The following PRR14L variants were observed in gnomAD, a reference collection of about 807,000 sequenced individuals.
The protein encoded by PRR14L is protein PRR14L.
Under a neutral mutation model 155.0 loss-of-function variants are expected in PRR14L, and 80 were observed. That is an observed-to-expected ratio of 0.52 (90% CI 0.43 to 0.62). The LOEUF is 0.62. Among genes scored for constraint, PRR14L ranks in the 20% least tolerant of loss-of-function variants. PRR14L has a pLI of 0.00. For missense variants in PRR14L, 2,469 were observed against 2,548.0 expected (o/e 0.97, Z 0.67); for synonymous variants, 883 against 916.0 (o/e 0.96, Z 0.65).
In PRR14L at chr22:31,689,919, A is replaced by AT. The variant is rs531522039; in HGVS notation, c.6108-1693dup. ...CGCCACCACACCTGGCTAATTTTTGATTTTTTTTTTTCTTTTGAGATGGAG... is the reference window on the plus strand; with the variant it reads ...CGCCACCACACCTGGCTAATTTTTGATTTTTTTTTTTTCTTTTGAGATGGAG... On this transcript the variant is annotated intron_variant, in intron 7 of 8. Coordinates refer to ENST00000327423, the MANE Select transcript of PRR14L (RefSeq NM_173566.3). 9.5e-3 allele frequency among the ~76,000 whole-genome samples: 1,354 copies of AT among 142,712 alleles called. 18 individuals are homozygous for AT. The highest frequency in any genetic ancestry group is 0.03 in the African/African-American group (1,180 of 38,852). The allele number at this position is 142,712 out of a possible 152,430, so 93.6% of individuals were successfully genotyped here.
At chr22:31,711,803 A>T (rs1053152030) in intron 4 of PRR14L, among the ~76,000 whole-genome samples, 5 of 150,558 alleles carry the variant, frequency 3.3e-5, no homozygotes, top group African/African-American at 7.3e-5. Context: ...AAAAAAAAGA[A>T]GATTCAACAG....
At chr22:31,730,810 T>C (rs933369000) in intron 2 of PRR14L, among the ~76,000 whole-genome samples, 3 of 152,222 alleles carry the variant, frequency 2.0e-5, no homozygotes, top group Non-Finnish European at 4.4e-5. Flanking sequence ...TATATATTAA[T>C]TGGAATTCTG....
chr22:31,710,305 C>G (rs186178156), intron 4 of PRR14L, among the ~76,000 whole-genome samples: 28 of 152,252 alleles, frequency 1.8e-4, no homozygotes, highest in Middle Eastern at 3.4e-3. Flanking sequence ...GAACAAGGCC[C>G]TCCTAAGCTA....
At chr22:31,704,982 G>A (rs1039562662) in intron 4 of PRR14L, among the ~76,000 whole-genome samples, 2 of 152,184 alleles carry the variant, frequency 1.3e-5, no homozygotes, top group African/African-American at 4.8e-5. Context: ...AACAGTGGCT[G>A]GGCAAGGTGG....
Position 31,715,974 on chromosome 22 carries a change from A to AGTGGAATATCATCATGTGAGGTCT in PRR14L, c.1841_1864dup (p.Gln614_Pro621dup). ...ACAGGCTATGCTCTGTTCATCTAAAAGTGGAATATCATCATGTGAGGTCTG... is the reference window on the plus strand; with the variant it reads ...ACAGGCTATGCTCTGTTCATCTAAAAGTGGAATATCATCATGTGAGGTCTGTGGAATATCATCATGTGAGGTCTG... On this transcript the variant is annotated inframe_insertion, in exon 4 of 9. Transcript: ENST00000327423. 1.4e-5 allele frequency: 21 copies of AGTGGAATATCATCATGTGAGGTCT among 1,551,658 alleles called. No homozygotes were observed. The highest frequency in any genetic ancestry group is 1.8e-5 in the Non-Finnish European group (21 of 1,146,986).
Position 31,749,058 on chromosome 22 carries a change from G to A in PRR14L, c.-52+935C>T, listed in dbSNP as rs191520413. 1.3e-3 allele frequency among the ~76,000 whole-genome samples: 200 copies of A among 152,290 alleles called. 1 individual carries two copies. Among genetic ancestry groups the A allele is most frequent in the African/African-American group, 4.6e-3 (193 of 41,558 alleles). ...AAGATATTAGTTTTCTTTTTTAACA[G>A]ATTAAGTAATAGTAATAGCAACAGC... On this transcript the variant is annotated intron_variant, in intron 1 of 8. Coordinates refer to ENST00000327423, the MANE Select transcript of PRR14L (RefSeq NM_173566.3).
At chr22:31,743,802 GAAA>G (rs552902262) in intron 1 of PRR14L, among the ~76,000 whole-genome samples, 1 of 120,210 alleles carries the variant, frequency 8.3e-6, no homozygotes. Flanking sequence ...ACCCTGCCTC[GAAA>G]AAAAAAAAAA....
At chr22:31,731,565 C>CAAAA (rs55727852) in intron 2 of PRR14L, among the ~76,000 whole-genome samples, 2 of 49,262 alleles carry the variant, frequency 4.1e-5, no homozygotes, top group African/African-American at 6.6e-5. Flanking sequence ...GAGACTGTCT[C>CAAAA]AAAAAAAAAA....
chr22:31,699,175 T>C (rs1242790020), intron 7 of PRR14L, among the ~76,000 whole-genome samples: 2 of 152,092 alleles, frequency 1.3e-5, no homozygotes, highest in African/African-American at 4.8e-5. Flanking sequence ...TAGCTGGGAT[T>C]ACAGGCGTGT....
Position 31,715,720 on chromosome 22 carries a change from T to C in PRR14L, c.2119A>G (p.Ile707Val), listed in dbSNP as rs1251335203. Reference sequence around the variant, plus strand: ...TCTTTTATTTTTGTCTGAATGGGAATGGTTTGTATATCAGCAATGACATCT... The same window carrying C: ...TCTTTTATTTTTGTCTGAATGGGAACGGTTTGTATATCAGCAATGACATCT... ...RADVIADIQT[I>V]PIQTKIKDIS... The change falls in exon 4 of 9, where the codon ATT (isoleucine) becomes GTT (valine). Residue 707 changes from isoleucine (I) to valine (V), a missense_variant. Transcript: ENST00000327423. The C allele has an allele frequency of 3.2e-6, 5 of 1,552,276 alleles. No homozygotes were observed. Among genetic ancestry groups the C allele is most frequent in the South Asian group, 2.4e-5 (2 of 84,060 alleles).
At chr22:31,697,855 C>A (rs2074542929) in intron 7 of PRR14L, among the ~76,000 whole-genome samples, 3 of 151,740 alleles carry the variant, frequency 2.0e-5, no homozygotes, top group Admixed American at 6.6e-5. Flanking sequence ...CTGAGCGAGA[C>A]CTTGTCACAA....
intron 5 of PRR14L, 174 bp downstream of exon 5, chr22:31,704,481 G>A: frequency 2.3e-6 from 1 of 433,924 alleles, no homozygotes. Flanking sequence ...GTTGCTGCTT[G>A]TAATAGAACA....
At chr22:31,743,237 G>A (rs1419973360) in intron 1 of PRR14L, among the ~76,000 whole-genome samples, 2 of 152,076 alleles carry the variant, frequency 1.3e-5, no homozygotes, top group Non-Finnish European at 2.9e-5. Context: ...GGGAGGCAGA[G>A]GGTGCAGTGA....
chr22:31,707,072 G>A (rs2074596269), intron 4 of PRR14L, among the ~76,000 whole-genome samples: 2 of 151,692 alleles, frequency 1.3e-5, no homozygotes, highest in Admixed American at 1.3e-4. Context: ...AGAAAGAAAA[G>A]AAAAACAGCA....
At chr22:31,735,484 G>T (rs961062976) in intron 2 of PRR14L, among the ~76,000 whole-genome samples, 5 of 151,514 alleles carry the variant, frequency 3.3e-5, no homozygotes, top group African/African-American at 9.7e-5. Flanking sequence ...TAGTTCTTAG[G>T]TTGATTGTTA....
chr22:31,748,005 A>T (rs1467147933), intron 1 of PRR14L, among the ~76,000 whole-genome samples: 2 of 152,034 alleles, frequency 1.3e-5, no homozygotes, highest in Non-Finnish European at 2.9e-5. Context: ...AAAACAGAAC[A>T]TAAAACCGTG....
chr22:31,728,484 G>A (rs140083), intron 2 of PRR14L, among the ~76,000 whole-genome samples: 18,125 of 151,774 alleles, frequency 0.12, 1,315 homozygotes, highest in African/African-American at 0.19. Context: ...ATGGTGGCGG[G>A]TGCCTGTAAT....
Position 31,713,748 on chromosome 22 carries a change from C to G in PRR14L, c.4091G>C (p.Gly1364Ala). ...GATGTTGCTCACGGGATCGCCATCG[C>G]CAGTTTCTCTGGTAACCAACTCCTC... ...QSEELVTRETGDGDPVSNISQ... is the reference protein window; with the variant it reads ...QSEELVTRETADGDPVSNISQ... Residue 1364 changes from glycine (G) to alanine (A), a missense_variant, in exon 4 of 9, where the codon GGC (glycine) becomes GCC (alanine). Transcript: ENST00000327423. The G allele has an allele frequency of 6.4e-7, 1 of 1,552,374 alleles. No individual in the cohort carries two copies. Among genetic ancestry groups the G allele is most frequent in the Non-Finnish European group, 8.7e-7 (1 of 1,147,156 alleles).
chr22:31,695,981 GTAA>G (rs1276832737), intron 7 of PRR14L, among the ~76,000 whole-genome samples: 3 of 152,004 alleles, frequency 2.0e-5, no homozygotes, highest in Non-Finnish European at 2.9e-5. Flanking sequence ...GAACCAATAC[GTAA>G]TACTAAGGTA....
Sources: gnomAD v4.1 joint callset for allele counts (sites outside exome capture counted in the v4.1 genomes callset) on GRCh38, gnomAD v4.1.1 for gene constraint, MANE v1.5 for transcripts, NCBI Gene and HGNC (gene_info 2026-07-23, HGNC 2026-07-21) for gene names.